Variants in FANCM observed in about 807,000 individuals in gnomAD.
The protein encoded by FANCM is Fanconi anemia group M protein.
Under a neutral mutation model 199.5 loss-of-function variants are expected in FANCM, and 140 were observed. That is an observed-to-expected ratio of 0.70 (90% confidence interval 0.61 to 0.81). FANCM has a LOEUF of 0.81. FANCM is among the 30% of genes least tolerant of loss of function. The pLI is 0.00. For synonymous variants in FANCM, 840 were observed against 836.8 expected, an observed-to-expected ratio of 1.00 and a Z score of -0.07; for missense variants, 2,410 against 2,421.4, an observed-to-expected ratio of 1.00 and a Z score of 0.10.
At chr14:45,154,396 CT>C (rs1442945004) in intron 6 of FANCM, among the ~76,000 whole-genome samples, 6 of 120,170 alleles carry the variant, frequency 5.0e-5, no homozygotes, top group Admixed American at 1.9e-4. Flanking sequence ...GTGAGACTGT[CT>C]TAAAAAAAAA....
intron 6 of FANCM, 120 bp downstream of exon 6, chr14:45,154,172 G>T: frequency 1.4e-6 from 1 of 693,758 alleles, no homozygotes; most frequent in Non-Finnish European, 2.4e-6. Flanking sequence ...AAGCCGAGGT[G>T]GGTGGATCAC....
chr14:45,147,040 C>T (rs537831063), intron 3 of FANCM, among the ~76,000 whole-genome samples: 1 of 152,204 alleles, frequency 6.6e-6, no homozygotes, highest in South Asian at 2.1e-4. Flanking sequence ...TTGGTCGTTT[C>T]TCTGTCATTA....
intron 2 of FANCM, chr14:45,137,471 A>AT: frequency 3.8e-6 from 2 of 524,512 alleles, no homozygotes; most frequent in Non-Finnish European, 6.8e-6. Flanking sequence ...CTTTTCTTCT[A>AT]TTTTAAGACT....
intron 18 of FANCM, among the ~76,000 whole-genome samples, chr14:45,186,041 T>G (rs2139286567): frequency 6.6e-6 from 1 of 152,248 alleles, no homozygotes; most frequent in South Asian, 2.1e-4. Flanking sequence ...TACAGGCATG[T>G]GCCACCATGA....
intron 14 of FANCM, among the ~76,000 whole-genome samples, chr14:45,179,889 GA>G (rs1297494314): frequency 6.6e-6 from 1 of 152,004 alleles, no homozygotes; most frequent in Admixed American, 6.6e-5. Flanking sequence ...TAACTGCAAT[GA>G]TGCCAAATTT....
At chr14:45,194,119 T>C (rs1350932612) in intron 20 of FANCM, among the ~76,000 whole-genome samples, 1 of 152,002 alleles carries the variant, frequency 6.6e-6, no homozygotes, top group African/African-American at 2.4e-5. Context: ...CTGGCCAACA[T>C]GGTGAAACCC....
Position 45,196,184 on chromosome 14 carries a change from T to G in FANCM, c.5353T>G (p.Leu1785Val), listed in dbSNP as rs755563315. 1 of 1,614,074 alleles carries G rather than the reference T, an allele frequency of 6.2e-7. No individual in the cohort carries two copies. Among genetic ancestry groups the G allele is most frequent in the Admixed American group, 1.7e-5 (1 of 60,016 alleles). Reference sequence around the variant, plus strand: ...TCCACTTTTTCAGGATGGTAGTGCTTTGGAGGATTCTAGCACTTCAGGGGC... The same window carrying G: ...TCCACTTTTTCAGGATGGTAGTGCTGTGGAGGATTCTAGCACTTCAGGGGC... Reference protein sequence around the residue: ...FPVPQKDGSALEDSSTSGASC... With the variant: ...FPVPQKDGSAVEDSSTSGASC... Residue 1785 changes from leucine to valine, a missense_variant, in exon 21 of 23, where the codon TTG becomes GTG. Transcript: ENST00000267430.
At position 45,170,582 on chromosome 14, in the gene FANCM, C is replaced by T. The variant is rs758398053; in HGVS notation, c.2003-7C>T. The stretch of plus-strand genomic sequence containing the variant: ...AGTCTCTTTTCCATTATTTTTTCAA[C>T]TTATAGGAATGAGGCAAAGTAGCCT... On this transcript the variant is annotated splice_region_variant and splice_polypyrimidine_tract_variant and intron_variant, in intron 11 of 22. Transcript: ENST00000267430. 3.8e-6 allele frequency: 6 copies of T among 1,583,786 alleles called. No individual in the cohort carries two copies. The highest frequency in any genetic ancestry group is 5.2e-6 in the Non-Finnish European group (6 of 1,154,502).
rs770076343 is a variant in FANCM at position 45,181,681 on chromosome 14, A to G, written c.4362A>G (p.Lys1454=). The change falls in exon 16 of 23, where the codon AAA becomes AAG. Residue 1454 remains lysine (K), a synonymous_variant. Coordinates refer to ENST00000267430, the MANE Select transcript of FANCM (RefSeq NM_020937.4). ...TTGATTCTCCACTTCATGCTGTCAAAAAGCGCAGATTTCCTATAAACAGAG... is the reference window on the plus strand; with the variant it reads ...TTGATTCTCCACTTCATGCTGTCAAGAAGCGCAGATTTCCTATAAACAGAG... ...SEVDSPLHAV[K]KRRFPINRSE... is the part of the protein sequence containing the mutation. 6.2e-7 allele frequency: 1 copy of G among 1,610,558 alleles called. No individual in the cohort carries two copies. The highest frequency in any genetic ancestry group is 8.5e-7 in the Non-Finnish European group (1 of 1,177,314).
chr14:45,189,381 A>G lies in FANCM; in HGVS notation c.5340+19A>G, dbSNP rs975356835. On this transcript the variant is annotated intron_variant, in intron 20 of 22. Transcript: ENST00000267430. ...ACAGAAGGTATGGATCAAAGAAAGG[A>G]AAAATATCTTTAGATGGTTACCAGA... 55 of 1,550,686 alleles carry G rather than the reference A, an allele frequency of 3.5e-5. No individual in the cohort carries two copies. The highest frequency in any genetic ancestry group is 5.0e-5 in the Admixed American group (3 of 59,888).
intron 20 of FANCM, among the ~76,000 whole-genome samples, chr14:45,190,401 G>A (rs1889690707): frequency 6.6e-6 from 1 of 152,070 alleles, no homozygotes; most frequent in Admixed American, 6.5e-5. Flanking sequence ...TTGTGGAATG[G>A]CTAGATCAAG....
At chr14:45,151,609 G>C in intron 5 of FANCM, 81 bp downstream of exon 5, 1 of 1,286,846 alleles carries the variant, frequency 7.8e-7, no homozygotes, top group Non-Finnish European at 1.1e-6. Context: ...TGATATTTTG[G>C]GTACCTATTA....
chr14:45,136,265 C>A lies in FANCM; in HGVS notation c.234C>A (p.Ser78=). The A allele has an allele frequency of 6.2e-7, 1 of 1,614,168 alleles. No individual in the cohort carries two copies. The highest frequency in any genetic ancestry group is 8.5e-7 in the Non-Finnish European group (1 of 1,180,032). Reference sequence around the variant, plus strand: ...TAGAGAATGGCGGGTTCTGCACCTCCGCGGGCGCCCTGTGGATTTACCCTA... The same window carrying A: ...TAGAGAATGGCGGGTTCTGCACCTCAGCGGGCGCCCTGTGGATTTACCCTA... ...LCLENGGFCT[S]AGALWIYPTN... Residue 78 remains serine, a synonymous_variant, in exon 1 of 23, where the codon TCC becomes TCA. Coordinates refer to ENST00000267430, the MANE Select transcript of FANCM (RefSeq NM_020937.4).
rs11851069 is a variant in FANCM at position 45,170,333 on chromosome 14, C to G, written c.2003-256C>G. Among the ~76,000 whole-genome samples, 2,701 of 152,224 alleles carry G rather than the reference C, an allele frequency of 0.018. 95 individuals carry two copies. Among genetic ancestry groups the G allele is most frequent in the African/African-American group, 0.062 (2,558 of 41,538 alleles). On this transcript the variant is annotated intron_variant, in intron 11 of 22. Coordinates refer to ENST00000267430, the MANE Select transcript of FANCM (RefSeq NM_020937.4). Reference sequence around the variant, plus strand: ...GTTGAGCCCAGGAGTTTGAGACCAACCTGGGCAACATATCAAGACTTCATC... The same window carrying G: ...GTTGAGCCCAGGAGTTTGAGACCAAGCTGGGCAACATATCAAGACTTCATC...
intron 10 of FANCM, among the ~76,000 whole-genome samples, chr14:45,165,021 T>C (rs1887864073): frequency 6.6e-6 from 1 of 152,136 alleles, no homozygotes. Flanking sequence ...CCCAAAATAT[T>C]TACTTTCTGG....
chr14:45,185,414 T>A, intron 18 of FANCM, 41 bp downstream of exon 18: 1 of 1,160,820 alleles, frequency 8.6e-7, no homozygotes, highest in Non-Finnish European at 1.2e-6. Context: ...TTCAATGTTT[T>A]TATGTGCTTA....
In FANCM at chr14:45,200,254, T is replaced by C. The variant is rs955680773; in HGVS notation, c.*246T>C. The stretch of plus-strand genomic sequence containing the variant: ...AATAAAACAAGGTTTATTAAAAGTG[T>C]TACTAAGGATAGTTTAAGAAAGTAA... On this transcript the variant is annotated 3_prime_UTR_variant, in exon 23 of 23. Coordinates refer to ENST00000267430, the MANE Select transcript of FANCM (RefSeq NM_020937.4). 1.7e-4 allele frequency: 28 copies of C among 167,970 alleles called. No homozygotes were observed. Among genetic ancestry groups the C allele is most frequent in the African/African-American group, 6.7e-4 (28 of 41,708 alleles). 10.4% of individuals were successfully genotyped at this position (167,970 alleles called of 1,614,324 possible). A position where few individuals can be genotyped will look rare whatever the true frequency, so the allele number is the denominator to read the frequency against.
At chr14:45,149,062 A>G (rs1886635214) in intron 4 of FANCM, 67 bp downstream of exon 4, 1 of 1,220,452 alleles carries the variant, frequency 8.2e-7, no homozygotes, top group Non-Finnish European at 1.2e-6. Context: ...TTCAGCTAAC[A>G]GGATTTGGAT....
chr14:45,171,118 G>A (rs2139228366), intron 12 of FANCM, among the ~76,000 whole-genome samples: 1 of 147,568 alleles, frequency 6.8e-6, no homozygotes, highest in South Asian at 2.1e-4. Context: ...TACCTATTGT[G>A]TTTTGGGATT....
Sources: allele counts gnomAD v4.1 joint callset (sites outside exome capture counted in the v4.1 genomes callset), GRCh38; gene constraint gnomAD v4.1.1; transcripts MANE v1.5; gene names NCBI Gene and HGNC (gene_info 2026-07-23, HGNC 2026-07-21).